Variants in EYA2 observed in about 807,000 individuals in gnomAD.
EYA2 encodes protein phosphatase EYA2.
A neutral mutation model predicts 69.2 loss-of-function variants in EYA2; 31 were observed. That is an observed-to-expected ratio of 0.45 (90% CI 0.34 to 0.60). The LOEUF is 0.60. EYA2 is among the 20% of genes least tolerant of loss of function. The pLI, the probability that EYA2 is intolerant of heterozygous loss-of-function variation, is 0.02. For missense variants in EYA2, 622 were observed against 701.2 expected, an observed-to-expected ratio of 0.89 and a Z score of 1.28; for synonymous variants, 257 against 279.4, an observed-to-expected ratio of 0.92 and a Z score of 0.80.
intron 9 of EYA2, among the ~76,000 whole-genome samples, chr20:47,104,533 G>C (rs1021847457): frequency 6.6e-6 from 1 of 152,148 alleles, no homozygotes; most frequent in African/African-American, 2.4e-5. Flanking sequence ...ATTTACTCCT[G>C]CACTTTTTTC....
At chr20:47,112,214 A>G (rs148538994) in intron 9 of EYA2, among the ~76,000 whole-genome samples, 61 of 152,216 alleles carry the variant, frequency 4.0e-4, no homozygotes, top group Non-Finnish European at 7.8e-4. Context: ...CGGTAAAGGT[A>G]GCAAGAAGAA....
chr20:47,045,174 G>A (rs1260868781), intron 5 of EYA2, among the ~76,000 whole-genome samples: 1 of 152,138 alleles, frequency 6.6e-6, no homozygotes, highest in African/African-American at 2.4e-5. Flanking sequence ...TGATACTTGG[G>A]GCCACACATA....
chr20:47,035,091 C>T (rs752532871), intron 5 of EYA2, among the ~76,000 whole-genome samples: 10 of 152,212 alleles, frequency 6.6e-5, no homozygotes, highest in South Asian at 2.1e-4. Flanking sequence ...TTTCAAGGGA[C>T]GCAACTCTAC....
At chr20:47,018,925 G>C (rs576383634) in intron 5 of EYA2, among the ~76,000 whole-genome samples, 1 of 152,134 alleles carries the variant, frequency 6.6e-6, no homozygotes, top group African/African-American at 2.4e-5. Context: ...AGGACTCCAG[G>C]AACTGTCCTA....
chr20:46,970,553 A>G (rs976383274), intron 1 of EYA2, among the ~76,000 whole-genome samples: 3 of 152,216 alleles, frequency 2.0e-5, no homozygotes, highest in Non-Finnish European at 4.4e-5. Context: ...TTTCTGAGAT[A>G]GAGAGACGTT....
intron 8 of EYA2, 75 bp from the exon 9 acceptor site, chr20:47,097,010 A>G: frequency 9.5e-7 from 1 of 1,053,384 alleles, no homozygotes; most frequent in Non-Finnish European, 1.4e-6. Flanking sequence ...CTCCAAGGGA[A>G]TGAATTTCTG....
chr20:46,903,343 G>A (rs1282054563), intron 1 of EYA2, among the ~76,000 whole-genome samples: 3 of 152,196 alleles, frequency 2.0e-5, no homozygotes, highest in Non-Finnish European at 4.4e-5. Flanking sequence ...TTCAGTAAGA[G>A]CAGTGCCTCG....
intron 1 of EYA2, among the ~76,000 whole-genome samples, chr20:46,936,221 C>T (rs1985903188): frequency 6.6e-6 from 1 of 152,180 alleles, no homozygotes; most frequent in African/African-American, 2.4e-5. Context: ...CCTATAATCC[C>T]AGCACTTGGG....
At chr20:46,909,251 G>A (rs903020191) in intron 1 of EYA2, among the ~76,000 whole-genome samples, 8 of 152,172 alleles carry the variant, frequency 5.3e-5, no homozygotes, top group Non-Finnish European at 1.0e-4. Context: ...CCCATTGCAA[G>A]GAGTGGGGTG....
chr20:47,120,402 A>G (rs186003461), intron 9 of EYA2, among the ~76,000 whole-genome samples: 11 of 152,292 alleles, frequency 7.2e-5, no homozygotes, highest in Non-Finnish European at 1.0e-4. Flanking sequence ...TTTCAGTGCT[A>G]TGGATTTTAC....
chr20:47,133,349 T>C (rs1314518591), intron 9 of EYA2, among the ~76,000 whole-genome samples: 2 of 152,190 alleles, frequency 1.3e-5, no homozygotes, highest in Non-Finnish European at 2.9e-5. Context: ...ACTATGATTC[T>C]AGCCAGGGAT....
chr20:47,009,904 T>A (rs1383173189), intron 4 of EYA2, among the ~76,000 whole-genome samples: 1 of 152,256 alleles, frequency 6.6e-6, no homozygotes, highest in East Asian at 1.9e-4. Context: ...TTAGTACACA[T>A]TCTTTTGCAA....
At chr20:47,007,783 T>A (rs1241977502) in intron 4 of EYA2, among the ~76,000 whole-genome samples, 1 of 151,312 alleles carries the variant, frequency 6.6e-6, no homozygotes, top group Non-Finnish European at 1.5e-5. Context: ...CCCTGGCTAA[T>A]TTTTTTTTAT....
intron 9 of EYA2, among the ~76,000 whole-genome samples, chr20:47,100,115 T>TGAAG (rs1201637204): frequency 6.6e-6 from 1 of 152,102 alleles, no homozygotes; most frequent in Non-Finnish European, 1.5e-5. Context: ...ATTTGTTAAA[T>TGAAG]GAAGGAAGGA....
At chr20:47,062,718 A>T in intron 5 of EYA2, among the ~76,000 whole-genome samples, 1 of 152,170 alleles carries the variant, frequency 6.6e-6, no homozygotes, top group Non-Finnish European at 1.5e-5. Context: ...CTCTGTCCAG[A>T]AGAGCCTTCT....
intron 1 of EYA2, among the ~76,000 whole-genome samples, chr20:46,903,388 A>G (rs1984205725): frequency 1.3e-5 from 2 of 152,162 alleles, no homozygotes; most frequent in African/African-American, 4.8e-5. Context: ...GGCATATAGG[A>G]CTTACCAGTG....
chr20:47,143,109 C>T lies in EYA2; in HGVS notation c.939C>T (p.Phe313=). ...GCCTTATGATGGAAGAGATGATCTT[C>T]AACCTTGCAGATACACATCTGTTCT... ...RIGLMMEEMI[F]NLADTHLFFN... The change falls in exon 10 of 16, where the codon TTC becomes TTT. Residue 313 remains phenylalanine (F), a synonymous_variant. Coordinates refer to ENST00000327619, the MANE Select transcript of EYA2 (RefSeq NM_005244.5). 1 of 1,613,918 alleles carries T rather than the reference C, an allele frequency of 6.2e-7. No homozygotes were observed. Among genetic ancestry groups the T allele is most frequent in the South Asian group, 1.1e-5 (1 of 90,996 alleles).
At chr20:46,952,184 G>A (rs1978842977) in intron 1 of EYA2, among the ~76,000 whole-genome samples, 1 of 152,170 alleles carries the variant, frequency 6.6e-6, no homozygotes, top group Non-Finnish European at 1.5e-5. Context: ...GGGTGGTCAG[G>A]GAGGTCTCTC....
intron 7 of EYA2, among the ~76,000 whole-genome samples, chr20:47,076,123 C>A (rs1030725682): frequency 1.3e-5 from 2 of 152,160 alleles, no homozygotes; most frequent in African/African-American, 4.8e-5. Context: ...TAGGTTGATT[C>A]TTTGTCTTTG....
Sources: allele counts gnomAD v4.1 joint callset (sites outside exome capture counted in the v4.1 genomes callset), GRCh38; gene constraint gnomAD v4.1.1; transcripts MANE v1.5; gene names NCBI Gene and HGNC (gene_info 2026-07-23, HGNC 2026-07-21).